The following PTPRG variants were observed in gnomAD, a reference collection of about 807,000 sequenced individuals.
PTPRG encodes receptor-type tyrosine-protein phosphatase gamma.
In PTPRG, 102 loss-of-function variants were observed where a neutral mutation model predicts 165.3. That is an observed-to-expected ratio of 0.62 (90% CI 0.53 to 0.73). The LOEUF is 0.73. Ranked by LOEUF, PTPRG falls within the 30% of genes least tolerant of loss-of-function variation. The probability of loss-of-function intolerance (pLI) is 0.00; values close to 1 mark genes in which losing one functional copy is unlikely to be tolerated. For synonymous variants in PTPRG, 675 were observed against 669.5 expected, an observed-to-expected ratio of 1.01 and a Z score of -0.13; for missense variants, 1,866 against 1,861.4, an observed-to-expected ratio of 1.00 and a Z score of -0.05.
intron 2 of PTPRG, among the ~76,000 whole-genome samples, chr3:61,966,198 C>T (rs567318669): frequency 6.6e-6 from 1 of 152,176 alleles, no homozygotes; most frequent in Non-Finnish European, 1.5e-5. Context: ...ATCTCGCATG[C>T]TTAACTATCT....
chr3:62,000,804 G>A (rs916091766), intron 3 of PTPRG, among the ~76,000 whole-genome samples: 1 of 152,168 alleles, frequency 6.6e-6, no homozygotes, highest in Non-Finnish European at 1.5e-5. Flanking sequence ...CTCCACCCTT[G>A]ATTCTAGAAA....
intron 5 of PTPRG, among the ~76,000 whole-genome samples, chr3:62,117,121 C>T (rs1462471506): frequency 6.6e-6 from 1 of 152,150 alleles, no homozygotes; most frequent in Non-Finnish European, 1.5e-5. Context: ...TTTATTAGAA[C>T]CTGGTGACCC....
chr3:61,582,460 G>A (rs1357381132), intron 1 of PTPRG, among the ~76,000 whole-genome samples: 1 of 152,184 alleles, frequency 6.6e-6, no homozygotes, highest in Non-Finnish European at 1.5e-5. Context: ...CTCTAGGGGG[G>A]AATGGGGACA....
intron 4 of PTPRG, among the ~76,000 whole-genome samples, chr3:62,070,659 T>C (rs992368816): frequency 6.6e-6 from 1 of 152,128 alleles, no homozygotes; most frequent in Non-Finnish European, 1.5e-5. Flanking sequence ...ACAAAATAAT[T>C]TAAAAATCAT....
intron 2 of PTPRG, among the ~76,000 whole-genome samples, chr3:61,910,090 ATC>A (rs2038762024): frequency 6.6e-6 from 1 of 152,086 alleles, no homozygotes; most frequent in Non-Finnish European, 1.5e-5. Flanking sequence ...TGTGTGATAT[ATC>A]TCATTATGCT....
At chr3:61,981,351 C>A (rs994577174) in intron 2 of PTPRG, among the ~76,000 whole-genome samples, 1 of 152,226 alleles carries the variant, frequency 6.6e-6, no homozygotes, top group African/African-American at 2.4e-5. Context: ...ACTGAGAAAT[C>A]TTCCAGGCGC....
chr3:61,868,745 G>C (rs1277299358), intron 2 of PTPRG, among the ~76,000 whole-genome samples: 2 of 152,176 alleles, frequency 1.3e-5, no homozygotes, highest in Non-Finnish European at 2.9e-5. Flanking sequence ...GTCAAATGCT[G>C]TTTCTTACAG....
intron 3 of PTPRG, among the ~76,000 whole-genome samples, chr3:62,001,980 C>T (rs2107719765): frequency 6.6e-6 from 1 of 152,314 alleles, no homozygotes; most frequent in Non-Finnish European, 1.5e-5. Flanking sequence ...GAAGGTGGCA[C>T]AGTGCTGTAG....
intron 5 of PTPRG, among the ~76,000 whole-genome samples, chr3:62,112,317 T>C (rs1576016390): frequency 6.6e-6 from 1 of 152,196 alleles, no homozygotes; most frequent in Non-Finnish European, 1.5e-5. Flanking sequence ...TTGGCCAGGC[T>C]GGTCTCAAAC....
chr3:62,170,015 G>A (rs1576090486), intron 8 of PTPRG, among the ~76,000 whole-genome samples: 3 of 152,168 alleles, frequency 2.0e-5, no homozygotes, highest in East Asian at 3.9e-4. Flanking sequence ...TTAAGAATGT[G>A]ATCATTTCCT....
chr3:61,905,900 A>C (rs2038635744), intron 2 of PTPRG, among the ~76,000 whole-genome samples: 1 of 152,218 alleles, frequency 6.6e-6, no homozygotes, highest in African/African-American at 2.4e-5. Context: ...CACTAATTTT[A>C]CATGTATTAT....
At chr3:62,132,130 C>T (rs1703538491) in intron 5 of PTPRG, among the ~76,000 whole-genome samples, 2 of 152,124 alleles carry the variant, frequency 1.3e-5, no homozygotes, top group Non-Finnish European at 2.9e-5. Flanking sequence ...AGAATATGTG[C>T]TTTTTCACAG....
Position 62,296,088 on chromosome 3 carries a change from G to A in PTPRG, c.*2781G>A, listed in dbSNP as rs1312972587. ...AAATAAATTGCAATGATCAGACCAA[G>A]TGGCTGTGCTGGACATCAAAGAAAA... is the stretch of plus-strand genomic sequence containing the variant. On this transcript the variant is annotated 3_prime_UTR_variant, in exon 30 of 30. Transcript: ENST00000474889. The A allele has an allele frequency of 2.6e-5, 4 of 152,088 alleles. No homozygotes were observed. The highest frequency in any genetic ancestry group is 2.1e-4 in the South Asian group (1 of 4,836). 9.4% of individuals were successfully genotyped at this position (152,088 alleles called of 1,614,324 possible). A position where few individuals can be genotyped will look rare whatever the true frequency, so the allele number is the denominator to read the frequency against.
chr3:61,922,363 A>C (rs896851207), intron 2 of PTPRG, among the ~76,000 whole-genome samples: 7 of 152,232 alleles, frequency 4.6e-5, no homozygotes, highest in African/African-American at 1.7e-4. Flanking sequence ...TCCTGCCTTC[A>C]AAAGATGTGC....
At chr3:61,814,804 C>T (rs2035705399) in intron 2 of PTPRG, among the ~76,000 whole-genome samples, 2 of 151,156 alleles carry the variant, frequency 1.3e-5, no homozygotes, top group South Asian at 2.1e-4. Context: ...AAATAAATGT[C>T]GTTGCATGGC....
At chr3:61,655,196 G>C (rs1702477532) in intron 1 of PTPRG, among the ~76,000 whole-genome samples, 1 of 152,156 alleles carries the variant, frequency 6.6e-6, no homozygotes, top group African/African-American at 2.4e-5. Context: ...AGATTGTCCA[G>C]AGTTGTACAA....
At chr3:62,168,748 T>C (rs895618904) in intron 8 of PTPRG, among the ~76,000 whole-genome samples, 1 of 152,170 alleles carries the variant, frequency 6.6e-6, no homozygotes, top group African/African-American at 2.4e-5. Context: ...TGTGTTACAG[T>C]GGGCTCTTTC....
At chr3:62,167,717 C>T (rs17066222) in intron 7 of PTPRG, among the ~76,000 whole-genome samples, 10,747 of 152,094 alleles carry the variant, frequency 0.071, 381 homozygotes, top group South Asian at 0.082. Context: ...ACTCAGAGTG[C>T]GGTATAGCCC....
intron 5 of PTPRG, among the ~76,000 whole-genome samples, chr3:62,131,040 A>G (rs1296020918): frequency 2.0e-5 from 3 of 152,112 alleles, no homozygotes; most frequent in Non-Finnish European, 4.4e-5. Context: ...TGTATTCTGA[A>G]TTTACGCTCT....
Sources: allele counts gnomAD v4.1 joint callset (sites outside exome capture counted in the v4.1 genomes callset), GRCh38; gene constraint gnomAD v4.1.1; transcripts MANE v1.5; gene names NCBI Gene and HGNC (gene_info 2026-07-23, HGNC 2026-07-21).